The following PCDH19 variants were observed in gnomAD, a reference collection of about 807,000 sequenced individuals.
PCDH19 encodes the protein protocadherin-19.
Under a neutral mutation model 46.2 loss-of-function variants are expected in PCDH19, and 6 were observed. The observed-to-expected ratio is 0.13, with a 90% CI of 0.07 to 0.26. The LOEUF (loss-of-function observed/expected upper bound fraction) is 0.26, where lower values mean the gene tolerates loss of function less well. Ranked by LOEUF, PCDH19 falls within the 10% of genes least tolerant of loss-of-function variation. The probability of loss-of-function intolerance (pLI) is 1.00; values close to 1 mark genes in which losing one functional copy is unlikely to be tolerated. For synonymous variants in PCDH19, 481 were observed against 415.7 expected, an observed-to-expected ratio of 1.16 and a Z score of -1.91; for missense variants, 740 against 972.3, an observed-to-expected ratio of 0.76 and a Z score of 3.18.
chrX:100,316,028 A>G (rs1348322048), intron 5 of PCDH19, among the ~76,000 whole-genome samples: 1 of 111,923 alleles, frequency 8.9e-6, no homozygotes, highest in Non-Finnish European at 1.9e-5. Flanking sequence ...ACTAGTAAAC[A>G]AAATAATGCA....
chrX:100,393,537 A>ACACACACACAC (rs1927929746), intron 3 of PCDH19, among the ~76,000 whole-genome samples: 1 of 57,494 alleles, frequency 1.7e-5, no homozygotes, highest in Non-Finnish European at 3.9e-5. Flanking sequence ...CACACACACA[A>ACACACACACAC]ACTCCCCTAA....
chrX:100,344,674 T>C (rs867164503), intron 4 of PCDH19, among the ~76,000 whole-genome samples: 4 of 101,125 alleles, frequency 4.0e-5, no homozygotes, highest in African/African-American at 7.3e-5. Flanking sequence ...CTGTTGAAAC[T>C]TGCTTGAAAC....
chrX:100,393,755 C>T (rs1258879015), intron 3 of PCDH19, among the ~76,000 whole-genome samples: 2 of 111,997 alleles, frequency 1.8e-5, no homozygotes, highest in Admixed American at 1.9e-4. Context: ...CACAGAACAG[C>T]GGCCAGATGG....
At chrX:100,388,567 C>T (rs182776283) in intron 3 of PCDH19, among the ~76,000 whole-genome samples, 1 of 110,741 alleles carries the variant, frequency 9.0e-6, no homozygotes. Context: ...TGAATTTTTA[C>T]GCTGATCTAA....
Position 100,402,764 on chromosome X carries a change from A to T in PCDH19, c.2376T>A (p.Asp792Glu), listed in dbSNP as rs1270350819. 8.3e-7 allele frequency: 1 copy of T among 1,211,167 alleles called. No individual in the cohort carries two copies. The highest frequency in any genetic ancestry group is 1.1e-6 in the Non-Finnish European group (1 of 894,885). ...SKNDIRLVPR[D>E]VEETDKMNVV... ...CGTTCATCTTGTCTGTCTCCTCCACATCCCGGGGTACCAGGCGGATGTCAT... is the reference window on the plus strand; with the variant it reads ...CGTTCATCTTGTCTGTCTCCTCCACTTCCCGGGGTACCAGGCGGATGTCAT... Residue 792 changes from aspartate (D) to glutamate (E), a missense_variant, in exon 3 of 6, where the codon GAT (aspartate) becomes GAA (glutamate). By Grantham distance (45) the Asp-to-Glu change is conservative. Coordinates refer to ENST00000373034, the MANE Select transcript of PCDH19 (RefSeq NM_001184880.2).
chrX:100,300,506 T>C (rs1320808127), intron 5 of PCDH19, among the ~76,000 whole-genome samples: 1 of 112,131 alleles, frequency 8.9e-6, no homozygotes, highest in Non-Finnish European at 1.9e-5. Flanking sequence ...GATACTTTGC[T>C]ACATTTTTAT....
chrX:100,313,692 A>G (rs944544951), intron 5 of PCDH19, among the ~76,000 whole-genome samples: 1 of 111,832 alleles, frequency 8.9e-6, no homozygotes, highest in South Asian at 3.7e-4. Flanking sequence ...TCATTTGCTC[A>G]TATATTAAGA....
At position 100,345,523 on chromosome X, in the gene PCDH19, G is replaced by A. The variant is rs182410824; in HGVS notation, c.2676-3448C>T. ...TTAATTGCAGTCAGTTACCTCCCTG[G>A]ATGCCAGGGATGTCTACCTTACTTC... On this transcript the variant is annotated intron_variant, in intron 4 of 5. Transcript: ENST00000373034. 3.6e-5 allele frequency among the ~76,000 whole-genome samples: 4 copies of A among 111,620 alleles called. No individual in the cohort carries two copies. In the East Asian group the frequency reaches 1.1e-3, roughly 32 times the overall value.
At position 100,291,794 on chromosome X, in the gene PCDH19, A is replaced by C. The variant is rs1392156718; in HGVS notation, c.*4483T>G. On this transcript the variant is annotated 3_prime_UTR_variant, in exon 6 of 6. Coordinates refer to ENST00000373034, the MANE Select transcript of PCDH19 (RefSeq NM_001184880.2). ...GAAACATAACTGTAATAATTTAATAAAGCTGCTTTATCATCTTCATAAAAT... is the reference window on the plus strand; with the variant it reads ...GAAACATAACTGTAATAATTTAATACAGCTGCTTTATCATCTTCATAAAAT... The C allele has an allele frequency of 8.8e-6, 1 of 113,296 alleles. No individual in the cohort carries two copies. Among genetic ancestry groups the C allele is most frequent in the Admixed American group, 9.3e-5 (1 of 10,748 alleles). The allele number at this position is 113,296 out of a possible 1,213,427, so 9.3% of individuals were successfully genotyped here.
chrX:100,295,836 G>T lies in PCDH19; in HGVS notation c.*441C>A. Reference sequence around the variant, plus strand: ...AATCAATGAATAGTACACAATAAATGACCATTAACTTGTCTACACTACAAA... The same window carrying T: ...AATCAATGAATAGTACACAATAAATTACCATTAACTTGTCTACACTACAAA... On this transcript the variant is annotated 3_prime_UTR_variant, in exon 6 of 6. Coordinates refer to ENST00000373034, the MANE Select transcript of PCDH19 (RefSeq NM_001184880.2). 7.5e-6 allele frequency: 1 copy of T among 134,203 alleles called. No homozygotes were observed. 11.1% of individuals were successfully genotyped at this position (134,203 alleles called of 1,213,427 possible). A position where few individuals can be genotyped will look rare whatever the true frequency, so the allele number is the denominator to read the frequency against.
At chrX:100,345,253 T>A (rs1926364438) in intron 4 of PCDH19, among the ~76,000 whole-genome samples, 2 of 111,667 alleles carry the variant, frequency 1.8e-5, no homozygotes, top group Admixed American at 1.9e-4. Flanking sequence ...AAATATTATG[T>A]CCATAGTTTT....
At chrX:100,363,496 T>C (rs1926962288) in intron 3 of PCDH19, among the ~76,000 whole-genome samples, 2 of 106,689 alleles carry the variant, frequency 1.9e-5, no homozygotes, top group South Asian at 8.1e-4. Flanking sequence ...CCATTGAATA[T>C]TGTGAATAGT....
Position 100,403,642 on chromosome X carries a change from G to T in PCDH19, c.2170C>A (p.Leu724Ile), listed in dbSNP as rs770310205. Residue 724 changes from leucine (L) to isoleucine (I), a missense_variant, in exon 2 of 6, where the codon CTC (leucine) becomes ATC (isoleucine). Physicochemically the swap from Leu to Ile is conservative, Grantham distance 5. Coordinates refer to ENST00000373034, the MANE Select transcript of PCDH19 (RefSeq NM_001184880.2). Reference sequence around the variant, plus strand: ...TGTCCTTTTATAAAACAGCCGAGGAGACAAGTGATGGTTAAACAATTACTG... The same window carrying T: ...TGTCCTTTTATAAAACAGCCGAGGATACAAGTGATGGTTAAACAATTACTG... ...NCSNCLTITC[L>I]LGCFIKGQNS... 1 of 1,204,796 alleles carries T rather than the reference G, an allele frequency of 8.3e-7. No individual in the cohort carries two copies. The highest frequency in any genetic ancestry group is 1.1e-6 in the Non-Finnish European group (1 of 891,750).
intron 5 of PCDH19, among the ~76,000 whole-genome samples, chrX:100,318,333 C>G (rs1925372565): frequency 8.9e-6 from 1 of 112,457 alleles, no homozygotes; most frequent in African/African-American, 3.2e-5. Context: ...TGCATGGAAG[C>G]TGAGCTACAC....
intron 3 of PCDH19, among the ~76,000 whole-genome samples, chrX:100,364,409 G>A (rs1927016703): frequency 9.0e-6 from 1 of 111,213 alleles, no homozygotes; most frequent in African/African-American, 3.3e-5. Flanking sequence ...AATCATAGTA[G>A]CCACATTCCA....
In PCDH19 at chrX:100,407,797, C is replaced by T; in HGVS notation, c.801G>A (p.Glu267=). The stretch of plus-strand genomic sequence containing the variant: ...AGTAGACCACCTGGCCGTTGGTGCC[C>T]TCGTCTGGATCGCTGGCGTTGAGGC... ...VIRLNASDPD[E]GTNGQVVYSF... Residue 267 remains glutamate (E), a synonymous_variant, in exon 1 of 6, where the codon GAG becomes GAA. Coordinates refer to ENST00000373034, the MANE Select transcript of PCDH19 (RefSeq NM_001184880.2). The T allele has an allele frequency of 8.2e-7, 1 of 1,212,386 alleles. No individual in the cohort carries two copies. Among genetic ancestry groups the T allele is most frequent in the South Asian group, 1.8e-5 (1 of 57,037 alleles).
intron 3 of PCDH19, among the ~76,000 whole-genome samples, chrX:100,373,228 C>T (rs1336271551): frequency 1.8e-5 from 2 of 112,737 alleles, no homozygotes; most frequent in East Asian, 2.8e-4. Context: ...AGGATGGTCT[C>T]GATCTCTTGA....
intron 5 of PCDH19, among the ~76,000 whole-genome samples, chrX:100,321,649 C>T (rs994922838): frequency 9.1e-5 from 10 of 109,469 alleles, no homozygotes; most frequent in South Asian, 4.0e-4. Context: ...TGTTTGAGTT[C>T]GTTGTAGATT....
rs2098901532 is a variant in PCDH19 at position 100,350,702 on chromosome X, A to T, written c.2619T>A (p.Thr873=). Residue 873 remains threonine, a splice_region_variant and synonymous_variant, in exon 4 of 6, where the codon ACT becomes ACA. Transcript: ENST00000373034. ...AGTTGGAGTCAAAAGAATAGTTTTCAGTCTGCAATGAGAAGAAAAAATTAA... is the reference window on the plus strand; with the variant it reads ...AGTTGGAGTCAAAAGAATAGTTTTCTGTCTGCAATGAGAAGAAAAAATTAA... ...LIINGVPLPE[T]ENYSFDSNYV... 1 of 1,144,900 alleles carries T rather than the reference A, an allele frequency of 8.7e-7. No homozygotes were observed. The highest frequency in any genetic ancestry group is 1.8e-5 in the African/African-American group (1 of 56,310). The allele number at this position is 1,144,900 out of a possible 1,213,427, so 94.4% of individuals were successfully genotyped here. A position where few individuals can be genotyped will look rare whatever the true frequency, so the allele number is the denominator to read the frequency against.
Sources: allele counts gnomAD v4.1 joint callset (sites outside exome capture counted in the v4.1 genomes callset), GRCh38; gene constraint gnomAD v4.1.1; transcripts MANE v1.5; gene names NCBI Gene and HGNC (gene_info 2026-07-23, HGNC 2026-07-21).